The following XRCC6 variants were observed in gnomAD, a reference collection of about 807,000 sequenced individuals.
XRCC6 encodes the protein DNA repair protein Ku70.
A neutral mutation model predicts 65.7 loss-of-function variants in XRCC6; 5 were observed. That is an observed-to-expected ratio of 0.08 (90% CI 0.04 to 0.16). The LOEUF is 0.16. XRCC6 is among the 10% of genes least tolerant of loss of function. The pLI is 1.00. For missense variants in XRCC6, 447 were observed against 738.1 expected (o/e 0.61, Z 4.57); for synonymous variants, 270 against 270.6 (o/e 1.00, Z 0.02).
In XRCC6 at chr22:41,634,597, T is replaced by C. The variant is rs1601534745; in HGVS notation, c.196-1516T>C. ...TCTCGCTCTGTTGCCCAGGCTGGAG[T>C]GCAGTGGCGCAATCTCAGCCCACTG... On this transcript the variant is annotated intron_variant, in intron 3 of 12. Transcript: ENST00000360079. 2.0e-5 allele frequency among the ~76,000 whole-genome samples: 3 copies of C among 149,832 alleles called. No homozygotes were observed. In the South Asian group the frequency reaches 6.3e-4, roughly 32 times the overall value.
At chr22:41,650,071 C>T (rs904347189) in intron 7 of XRCC6, among the ~76,000 whole-genome samples, 1 of 151,602 alleles carries the variant, frequency 6.6e-6, no homozygotes, top group Non-Finnish European at 1.5e-5. Flanking sequence ...CTTTGTGTGT[C>T]AGGGATGGTG....
intron 6 of XRCC6, among the ~76,000 whole-genome samples, chr22:41,638,944 C>T (rs1020412996): frequency 2.6e-5 from 4 of 152,104 alleles, no homozygotes; most frequent in African/African-American, 9.7e-5. Context: ...ACTGGCAGCA[C>T]AGTAGGTTTG....
At chr22:41,653,797 C>G in intron 9 of XRCC6, 107 bp downstream of exon 9, 1 of 1,351,584 alleles carries the variant, frequency 7.4e-7, no homozygotes, top group South Asian at 1.5e-5. Flanking sequence ...GGGAATGGGG[C>G]TTAAAAATGT....
intron 11 of XRCC6, 36 bp from the exon 12 acceptor site, chr22:41,661,295 C>G: frequency 6.3e-7 from 1 of 1,584,088 alleles, no homozygotes; most frequent in Non-Finnish European, 8.6e-7. Context: ...GGGCTCGTGA[C>G]TCACCAGGCC....
intron 3 of XRCC6, among the ~76,000 whole-genome samples, chr22:41,634,428 C>T (rs1046618593): frequency 1.3e-5 from 2 of 152,002 alleles, no homozygotes; most frequent in Non-Finnish European, 2.9e-5. Context: ...TGTAGCAATC[C>T]TCCTGTGTTG....
intron 2 of XRCC6, among the ~76,000 whole-genome samples, chr22:41,624,022 C>T (rs945851188): frequency 2.0e-5 from 3 of 152,012 alleles, no homozygotes; most frequent in African/African-American, 7.2e-5. Flanking sequence ...TGTGCGTGGC[C>T]TATAGCTCAT....
chr22:41,622,927 A>G (rs2067626207), intron 2 of XRCC6, among the ~76,000 whole-genome samples: 1 of 151,824 alleles, frequency 6.6e-6, no homozygotes, highest in African/African-American at 2.4e-5. Flanking sequence ...CCTGGGTGAC[A>G]GAATGAGACT....
chr22:41,646,847 G>A (rs1186207379), intron 6 of XRCC6, 49 bp from the exon 7 acceptor site: 7 of 1,497,662 alleles, frequency 4.7e-6, no homozygotes, highest in Middle Eastern at 2.2e-4. Context: ...ATTTTAGATA[G>A]AAAAGTGCAG....
rs779139121 is a variant in XRCC6 at position 41,636,118 on chromosome 22, C to T, written c.201C>T (p.Ile67=). Residue 67 remains isoleucine (I), a synonymous_variant, in exon 4 of 13, where the codon ATC becomes ATT. Transcript: ENST00000360079. ...AATTGAATTTTTTTTTTCAGTGTAT[C>T]CAAAGTGTGTACATCAGTAAGATCA... The part of the protein sequence containing the change: ...LTPFDMSIQC[I]QSVYISKIIS... The T allele has an allele frequency of 1.7e-5, 26 of 1,573,650 alleles. No individual in the cohort carries two copies. Among genetic ancestry groups the T allele is most frequent in the Non-Finnish European group, 2.1e-5 (25 of 1,167,722 alleles).
At chr22:41,628,441 C>CT (rs2067702950) in intron 3 of XRCC6, 1 of 402,064 alleles carries the variant, frequency 2.5e-6, no homozygotes, top group Non-Finnish European at 4.5e-6. Context: ...ACCTGTAGTC[C>CT]TAGCTACTCA....
At chr22:41,659,837 AC>A (rs370393687) in intron 11 of XRCC6, among the ~76,000 whole-genome samples, 1 of 151,850 alleles carries the variant, frequency 6.6e-6, no homozygotes, top group African/African-American at 2.4e-5. Flanking sequence ...GGCACCCGCC[AC>A]CATGCCTGGC....
chr22:41,639,667 C>CTT lies in XRCC6; in HGVS notation c.773+1888_773+1889dup, dbSNP rs71184825. On this transcript the variant is annotated intron_variant, in intron 6 of 12. Transcript: ENST00000360079. The stretch of plus-strand genomic sequence containing the variant: ...TCCATGTGTAGCCTAGATTCTCTCT[C>CTT]TTTTTTTTTTTTTGAGATGGAGTCT... Among the ~76,000 whole-genome samples, 71 of 81,046 alleles carry CTT rather than the reference C, an allele frequency of 8.8e-4. 2 individuals carry two copies. Among genetic ancestry groups the CTT allele is most frequent in the African/African-American group, 3.6e-3 (63 of 17,570 alleles). 53.2% of individuals were successfully genotyped at this position (81,046 alleles called of 152,430 possible).
intron 3 of XRCC6, among the ~76,000 whole-genome samples, chr22:41,632,840 A>AC (rs2067770292): frequency 1.3e-5 from 2 of 150,608 alleles, no homozygotes; most frequent in African/African-American, 4.9e-5. Context: ...AAAAAAAAAA[A>AC]AGAAAAGGCT....
chr22:41,652,063 C>T (rs937611141), intron 8 of XRCC6, among the ~76,000 whole-genome samples: 6 of 152,166 alleles, frequency 3.9e-5, no homozygotes, highest in African/African-American at 1.2e-4. Context: ...AGATTACAGG[C>T]GTGAGCCACC....
At chr22:41,649,162 A>G (rs1400126911) in intron 7 of XRCC6, among the ~76,000 whole-genome samples, 1 of 137,750 alleles carries the variant, frequency 7.3e-6, no homozygotes, top group African/African-American at 2.7e-5. Flanking sequence ...ATATATATAT[A>G]TGTATGTATG....
intron 6 of XRCC6, among the ~76,000 whole-genome samples, chr22:41,641,973 G>A (rs1406889459): frequency 6.6e-6 from 1 of 152,104 alleles, no homozygotes; most frequent in Admixed American, 6.6e-5. Flanking sequence ...ATTTTTAGTA[G>A]CGACACAGTT....
intron 9 of XRCC6, among the ~76,000 whole-genome samples, chr22:41,653,936 A>G (rs1282898265): frequency 6.6e-6 from 1 of 152,134 alleles, no homozygotes; most frequent in Non-Finnish European, 1.5e-5. Flanking sequence ...ATGTCTGCCT[A>G]GGGGACTGTT....
chr22:41,652,808 G>A (rs2068013568), intron 8 of XRCC6, among the ~76,000 whole-genome samples: 1 of 152,148 alleles, frequency 6.6e-6, no homozygotes, highest in African/African-American at 2.4e-5. Flanking sequence ...CAAGTAGCTG[G>A]GACTACAGGC....
intron 3 of XRCC6, among the ~76,000 whole-genome samples, chr22:41,635,459 A>G (rs2067799267): frequency 6.6e-6 from 1 of 152,232 alleles, no homozygotes; most frequent in African/African-American, 2.4e-5. Flanking sequence ...AAGTGACATC[A>G]GTAGGACTCA....
Sources: allele counts gnomAD v4.1 joint callset (sites outside exome capture counted in the v4.1 genomes callset), GRCh38; gene constraint gnomAD v4.1.1; transcripts MANE v1.5; gene names NCBI Gene and HGNC (gene_info 2026-07-23, HGNC 2026-07-21).